The following NALCN variants were observed in gnomAD, a reference collection of about 807,000 sequenced individuals.
The protein encoded by NALCN is sodium leak channel, non-selective, also known as sodium leak channel NALCN.
In NALCN, 111 loss-of-function variants were observed where a neutral mutation model predicts 225.3. The ratio of observed to expected loss-of-function variants is 0.49; its 90% CI spans 0.42 to 0.58. The LOEUF is 0.58. Ranked by LOEUF, NALCN falls within the 20% of genes least tolerant of loss-of-function variation. The pLI, the probability that NALCN is intolerant of heterozygous loss-of-function variation, is 0.00. For missense variants in NALCN, 1,378 were observed against 2,202.4 expected (o/e 0.63, Z 7.49); for synonymous variants, 764 against 769.0 (o/e 0.99, Z 0.11).
intron 28 of NALCN, among the ~76,000 whole-genome samples, chr13:101,094,432 C>A (rs1275373005): frequency 6.6e-6 from 1 of 152,156 alleles, no homozygotes; most frequent in Non-Finnish European, 1.5e-5. Flanking sequence ...ACTACATTTA[C>A]TTCCATGATA....
At chr13:101,189,339 C>G (rs574179321) in intron 14 of NALCN, among the ~76,000 whole-genome samples, 1 of 152,042 alleles carries the variant, frequency 6.6e-6, no homozygotes, top group Admixed American at 6.6e-5. Context: ...ATGATACTTG[C>G]ATAAATTAAA....
intron 6 of NALCN, among the ~76,000 whole-genome samples, chr13:101,376,306 G>T (rs1227507155): frequency 1.3e-5 from 2 of 151,948 alleles, no homozygotes; most frequent in African/African-American, 4.8e-5. Flanking sequence ...TTTCCACCAG[G>T]TTACATTTTC....
chr13:101,360,973 A>G (rs2046236124), intron 6 of NALCN, among the ~76,000 whole-genome samples: 1 of 152,126 alleles, frequency 6.6e-6, no homozygotes, highest in Admixed American at 6.6e-5. Context: ...ACTCTATAAC[A>G]TATCTTTTGG....
chr13:101,275,374 G>A (rs1230453185), intron 10 of NALCN, among the ~76,000 whole-genome samples: 2 of 152,202 alleles, frequency 1.3e-5, no homozygotes, highest in Non-Finnish European at 2.9e-5. Flanking sequence ...GGCAGAGAAA[G>A]GCCGAATGAC....
At chr13:101,058,432 TAC>T in intron 42 of NALCN, 1 of 187,234 alleles carries the variant, frequency 5.3e-6, no homozygotes, top group Non-Finnish European at 1.1e-5. Flanking sequence ...GGGGGCAGTC[TAC>T]TGTCACCAGC....
At chr13:101,260,607 TTC>T (rs1268355819) in intron 10 of NALCN, among the ~76,000 whole-genome samples, 1 of 152,206 alleles carries the variant, frequency 6.6e-6, no homozygotes, top group Non-Finnish European at 1.5e-5. Context: ...TCATTTGCAT[TTC>T]TCTGATGATC....
chr13:101,101,702 C>T (rs1279183574), intron 26 of NALCN, among the ~76,000 whole-genome samples: 1 of 152,130 alleles, frequency 6.6e-6, no homozygotes, highest in Non-Finnish European at 1.5e-5. Context: ...GAATTCAGTC[C>T]TGAAGAGCAA....
intron 4 of NALCN, among the ~76,000 whole-genome samples, chr13:101,378,361 T>C (rs571319562): frequency 2.3e-4 from 35 of 152,250 alleles, no homozygotes; most frequent in African/African-American, 7.9e-4. Context: ...AAGTATTACG[T>C]ATCAATTAAA....
intron 9 of NALCN, among the ~76,000 whole-genome samples, chr13:101,286,405 T>G (rs1038558662): frequency 6.6e-6 from 1 of 152,200 alleles, no homozygotes; most frequent in Non-Finnish European, 1.5e-5. Context: ...TATTTCCTTC[T>G]TCTTCCTGCT....
chr13:101,060,717 G>T (rs1326004529), intron 41 of NALCN, among the ~76,000 whole-genome samples: 1 of 152,158 alleles, frequency 6.6e-6, no homozygotes, highest in African/African-American at 2.4e-5. Context: ...GAGGCAAAGA[G>T]CCTTGGGTGG....
At chr13:101,099,090 C>T (rs1183877794) in intron 27 of NALCN, among the ~76,000 whole-genome samples, 1 of 141,492 alleles carries the variant, frequency 7.1e-6, no homozygotes, top group African/African-American at 3.1e-5. Context: ...CTGAGTCATC[C>T]AAGATTCCTA....
chr13:101,273,903 A>T (rs941849741), intron 10 of NALCN, among the ~76,000 whole-genome samples: 34 of 149,110 alleles, frequency 2.3e-4, no homozygotes, highest in African/African-American at 7.9e-4. Flanking sequence ...AAAAAAAAAA[A>T]AAAAGAAAAT....
chr13:101,152,997 T>TAC (rs373585312), intron 15 of NALCN, among the ~76,000 whole-genome samples: 145 of 151,798 alleles, frequency 9.6e-4, no homozygotes, highest in Middle Eastern at 3.4e-3. Flanking sequence ...GAATTCAGGA[T>TAC]ACACACACAC....
chr13:101,360,831 G>A (rs2046231914), intron 6 of NALCN, among the ~76,000 whole-genome samples: 1 of 152,152 alleles, frequency 6.6e-6, no homozygotes, highest in African/African-American at 2.4e-5. Flanking sequence ...GACATTTCTG[G>A]GGAAATAGTC....
At chr13:101,187,999 T>C (rs2039519307) in intron 14 of NALCN, among the ~76,000 whole-genome samples, 1 of 152,120 alleles carries the variant, frequency 6.6e-6, no homozygotes, top group African/African-American at 2.4e-5. Flanking sequence ...AGGTCCCTAG[T>C]ATAGAGCAAT....
At chr13:101,164,456 T>C (rs1263671647) in intron 15 of NALCN, among the ~76,000 whole-genome samples, 1 of 152,150 alleles carries the variant, frequency 6.6e-6, no homozygotes, top group Non-Finnish European at 1.5e-5. Context: ...CACACTGCGA[T>C]AATTTTTATT....
At chr13:101,366,593 AGCT>A (rs2046382469) in intron 6 of NALCN, among the ~76,000 whole-genome samples, 3 of 152,156 alleles carry the variant, frequency 2.0e-5, no homozygotes, top group African/African-American at 7.2e-5. Flanking sequence ...ATCATACCTT[AGCT>A]TAATATGTGA....
At chr13:101,067,186 A>G (rs190087230) in intron 39 of NALCN, among the ~76,000 whole-genome samples, 62 of 145,692 alleles carry the variant, frequency 4.3e-4, no homozygotes, top group African/African-American at 1.5e-3. Flanking sequence ...GGAAGTGGAG[A>G]AGGAGGAGGT....
intron 15 of NALCN, among the ~76,000 whole-genome samples, chr13:101,154,157 C>T (rs984773975): frequency 6.6e-5 from 10 of 152,272 alleles, no homozygotes; most frequent in African/African-American, 1.7e-4. Context: ...TCCCTGATGT[C>T]GGTACCATAA....
Sources: gnomAD v4.1 joint callset for allele counts (sites outside exome capture counted in the v4.1 genomes callset) on GRCh38, gnomAD v4.1.1 for gene constraint, MANE v1.5 for transcripts, NCBI Gene and HGNC (gene_info 2026-07-23, HGNC 2026-07-21) for gene names.